Variants in SNX1 observed in about 807,000 individuals in gnomAD.
The protein encoded by SNX1 is sorting nexin 1, also known as sorting nexin-1.
SNX1 carries 36 observed loss-of-function variants against 71.8 expected under a neutral mutation model. The ratio of observed to expected loss-of-function variants is 0.50; its 90% CI spans 0.38 to 0.66. The LOEUF is 0.66. SNX1 is among the 30% of genes least tolerant of loss of function. The pLI is 0.00. For missense variants in SNX1, 612 were observed against 646.7 expected (o/e 0.95, Z 0.58); for synonymous variants, 254 against 240.7 (o/e 1.06, Z -0.51).
chr15:64,098,266 T>G (rs1236143902), intron 1 of SNX1, among the ~76,000 whole-genome samples: 2 of 152,216 alleles, frequency 1.3e-5, no homozygotes, highest in East Asian at 3.8e-4. Context: ...CTACTGTTGG[T>G]AACTGCTGGA....
chr15:64,121,244 C>A (rs1169452293), intron 4 of SNX1, among the ~76,000 whole-genome samples: 1 of 152,224 alleles, frequency 6.6e-6, no homozygotes, highest in Non-Finnish European at 1.5e-5. Context: ...CAAAGTACCA[C>A]AAACTGGTTA....
At chr15:64,131,483 T>A (rs934778907) in intron 10 of SNX1, 20 of 570,408 alleles carry the variant, frequency 3.5e-5, no homozygotes, top group Non-Finnish European at 6.2e-5. Flanking sequence ...AGCTGGTGCC[T>A]CTCCCTCCTG....
At chr15:64,104,903 A>G (rs1259698467) in intron 1 of SNX1, among the ~76,000 whole-genome samples, 1 of 129,472 alleles carries the variant, frequency 7.7e-6, no homozygotes, top group African/African-American at 2.7e-5. Context: ...AAAAAAAAAA[A>G]GATGGCTAAT....
At chr15:64,099,660 A>G (rs1206355345) in intron 1 of SNX1, among the ~76,000 whole-genome samples, 1 of 152,224 alleles carries the variant, frequency 6.6e-6, no homozygotes, top group Non-Finnish European at 1.5e-5. Flanking sequence ...TCAAAACAAC[A>G]ACAAAACTAG....
chr15:64,112,587 T>C lies in SNX1; in HGVS notation c.174T>C (p.Ser58=). The change falls in exon 2 of 15, where the codon TCT becomes TCC. Residue 58 remains serine (S), a synonymous_variant. Transcript: ENST00000559844. The part of the protein sequence containing the change: ...TGAAVVSKHQ[S]PKITTSLLPI... ...TTTGTTTTCAGAGTAAACATCAGTC[T>C]CCAAAGATAACTACATCCCTTCTTC... is the stretch of plus-strand genomic sequence containing the variant. 1 of 1,607,618 alleles carries C rather than the reference T, an allele frequency of 6.2e-7. No homozygotes were observed. Among genetic ancestry groups the C allele is most frequent in the African/African-American group, 1.3e-5 (1 of 74,802 alleles).
At chr15:64,122,378 A>G (rs1172286043) in intron 4 of SNX1, among the ~76,000 whole-genome samples, 1 of 152,176 alleles carries the variant, frequency 6.6e-6, no homozygotes, top group African/African-American at 2.4e-5. Context: ...AATAATTTCT[A>G]AAGTTTAGCT....
intron 11 of SNX1, among the ~76,000 whole-genome samples, chr15:64,132,732 T>G (rs2081319848): frequency 6.6e-6 from 1 of 152,056 alleles, no homozygotes; most frequent in Non-Finnish European, 1.5e-5. Context: ...CCCCAACATA[T>G]CTCCCATTAG....
chr15:64,110,112 G>GA (rs2081064161), intron 1 of SNX1, among the ~76,000 whole-genome samples: 1 of 152,140 alleles, frequency 6.6e-6, no homozygotes, highest in African/African-American at 2.4e-5. Context: ...ACTAAAAGTG[G>GA]GATTTTTGTA....
chr15:64,127,074 T>C (rs2081261750), intron 6 of SNX1, 100 bp from the exon 7 acceptor site: 2 of 868,734 alleles, frequency 2.3e-6, no homozygotes, highest in East Asian at 5.2e-5. Flanking sequence ...GGCTGTGTGC[T>C]AGCCTCACTG....
rs559497584 is a variant in SNX1, at chr15:64,137,468, G to A, written c.1519-100G>A. ...CGGAGCCTGCCTTTGTGTGGCAGGC[G>A]CTTGGGGAGCGCCAGGGTACTGTGC... On this transcript the variant is annotated intron_variant, in intron 14 of 14. Coordinates refer to ENST00000559844, the MANE Select transcript of SNX1 (RefSeq NM_003099.5). The A allele has an allele frequency of 1.3e-4, 180 of 1,344,060 alleles. 2 individuals are homozygous for A. The South Asian group carries it at 1.5e-3, about 11-fold the overall frequency. The allele number at this position is 1,344,060 out of a possible 1,614,324, so 83.3% of individuals were successfully genotyped here.
In SNX1 at chr15:64,134,382, G is replaced by A. The variant is rs1157911795; in HGVS notation, c.1222-282G>A. 1 of 417,540 alleles carries A rather than the reference G, an allele frequency of 2.4e-6. No homozygotes were observed. Among genetic ancestry groups the A allele is most frequent in the East Asian group, 4.4e-5 (1 of 22,560 alleles). The allele number at this position is 417,540 out of a possible 1,614,324, so 25.9% of individuals were successfully genotyped here. A position where few individuals can be genotyped will look rare whatever the true frequency, so the allele number is the denominator to read the frequency against. ...GAGGGAGGCACTTCTGTAAGCCATA[G>A]TATTGGTCACTGGCATGAGGCCACC... is the stretch of plus-strand genomic sequence containing the variant. On this transcript the variant is annotated intron_variant, in intron 11 of 14. Transcript: ENST00000559844. This position sits in a 1 kb window ranked among gnomAD's most constrained non-coding sequence, Gnocchi z 4.1.
At position 64,131,845 on chromosome 15, in the gene SNX1, C is replaced by A; in HGVS notation, c.1174C>A (p.Leu392Ile). 6.2e-7 allele frequency: 1 copy of A among 1,614,214 alleles called. No individual in the cohort carries two copies. Among genetic ancestry groups the A allele is most frequent in the South Asian group, 1.1e-5 (1 of 91,088 alleles). The change falls in exon 11 of 15, where the codon CTT (leucine) becomes ATT (isoleucine). Residue 392 changes from leucine (L) to isoleucine (I), a missense_variant. By Grantham distance (5) the Leu-to-Ile change is conservative. Coordinates refer to ENST00000559844, the MANE Select transcript of SNX1 (RefSeq NM_003099.5). ...ACAGGCCAACAATGACTTCTTCCTC[C>A]TTGCTGAGCTCCTGAGTGACTACAT... ...QEQANNDFFLLAELLSDYIRL... is the reference protein window; with the variant it reads ...QEQANNDFFLIAELLSDYIRL...
Position 64,137,552 on chromosome 15 carries a change from C to T in SNX1, c.1519-16C>T, listed in dbSNP as rs1464895517. ...CTAGGTGGGGGCACTTGCTTAATGT[C>T]CCCACTTCTTTGCAGCTGGCAAAGT... is the stretch of plus-strand genomic sequence containing the variant. On this transcript the variant is annotated splice_polypyrimidine_tract_variant and intron_variant, in intron 14 of 14. Coordinates refer to ENST00000559844, the MANE Select transcript of SNX1 (RefSeq NM_003099.5). 2 of 1,613,974 alleles carry T rather than the reference C, an allele frequency of 1.2e-6. No individual in the cohort carries two copies. Among genetic ancestry groups the T allele is most frequent in the African/African-American group, 1.3e-5 (1 of 74,952 alleles).
intron 11 of SNX1, among the ~76,000 whole-genome samples, chr15:64,132,896 T>C (rs988616627): frequency 1.3e-5 from 2 of 152,222 alleles, no homozygotes; most frequent in Admixed American, 6.5e-5. Flanking sequence ...CTACCTGCTA[T>C]GTAATTCTTA....
intron 2 of SNX1, among the ~76,000 whole-genome samples, chr15:64,112,921 A>G (rs1055838532): frequency 6.6e-6 from 1 of 152,238 alleles, no homozygotes; most frequent in Non-Finnish European, 1.5e-5. Context: ...CTGTTAAACA[A>G]TAACAGAAAT....
intron 1 of SNX1, among the ~76,000 whole-genome samples, chr15:64,106,989 A>G (rs2081029155): frequency 6.6e-6 from 1 of 152,216 alleles, no homozygotes; most frequent in East Asian, 1.9e-4. Flanking sequence ...ATTTCTCCCT[A>G]GAAGTAAAGG....
At chr15:64,130,896 C>T (rs553970251) in intron 10 of SNX1, among the ~76,000 whole-genome samples, 13 of 152,322 alleles carry the variant, frequency 8.5e-5, no homozygotes, top group Non-Finnish European at 1.6e-4. Flanking sequence ...TTCCTATTGC[C>T]ATGAGCTACA....
Position 64,134,235 on chromosome 15 carries a change from C to G in SNX1, c.1222-429C>G, listed in dbSNP as rs2081334814. ...TTGTAATTGTAAATGTAATGTTGGC[C>G]TTTTCCATTAGATGACAAGTTCCAT... On this transcript the variant is annotated intron_variant, in intron 11 of 14. Transcript: ENST00000559844. This position sits in a 1 kb window ranked among gnomAD's most constrained non-coding sequence, Gnocchi z 4.1. 1 of 156,288 alleles carries G rather than the reference C, an allele frequency of 6.4e-6. No homozygotes were observed. Among genetic ancestry groups the G allele is most frequent in the Non-Finnish European group, 1.4e-5 (1 of 70,862 alleles). The allele number at this position is 156,288 out of a possible 1,614,324, so 9.7% of individuals were successfully genotyped here. A position where few individuals can be genotyped will look rare whatever the true frequency, so the allele number is the denominator to read the frequency against.
intron 1 of SNX1, among the ~76,000 whole-genome samples, chr15:64,097,013 A>T (rs1164993002): frequency 6.6e-6 from 1 of 152,260 alleles, no homozygotes; most frequent in African/African-American, 2.4e-5. Context: ...AGCACCCCAC[A>T]GGGTGTGAGT....
Sources: allele counts gnomAD v4.1 joint callset (sites outside exome capture counted in the v4.1 genomes callset), GRCh38; gene constraint gnomAD v4.1.1; non-coding constraint Gnocchi (gnomAD v3.1); transcripts MANE v1.5; gene names NCBI Gene and HGNC (gene_info 2026-07-23, HGNC 2026-07-21).